The following PTPRD variants were observed in gnomAD, a reference collection of about 807,000 sequenced individuals.
PTPRD encodes the protein receptor-type tyrosine-protein phosphatase delta.
Under a neutral mutation model 214.5 loss-of-function variants are expected in PTPRD, and 34 were observed. The observed-to-expected ratio is 0.16, with a 90% CI of 0.12 to 0.21. PTPRD has a LOEUF of 0.21. Among genes scored for constraint, PTPRD ranks in the 10% least tolerant of loss-of-function variants. The probability of loss-of-function intolerance (pLI) is 1.00; values close to 1 mark genes in which losing one functional copy is unlikely to be tolerated. For missense variants in PTPRD, 2,545 were observed against 2,398.7 expected (o/e 1.06, Z -1.27); for synonymous variants, 1,128 against 845.7 (o/e 1.33, Z -5.79).
At chr9:9,844,678 T>A (rs1028205392) in intron 5 of PTPRD, among the ~76,000 whole-genome samples, 1 of 151,934 alleles carries the variant, frequency 6.6e-6, no homozygotes, top group Non-Finnish European at 1.5e-5. Flanking sequence ...TATTTATTAT[T>A]TATCTTTTAG....
intron 3 of PTPRD, among the ~76,000 whole-genome samples, chr9:10,293,197 T>C (rs1428300521): frequency 6.6e-6 from 1 of 151,868 alleles, no homozygotes; most frequent in African/African-American, 2.4e-5. Context: ...CACATCAAAA[T>C]TAAGTACACA....
intron 9 of PTPRD, among the ~76,000 whole-genome samples, chr9:9,369,929 G>A (rs984770785): frequency 8.6e-5 from 13 of 151,970 alleles, no homozygotes; most frequent in Admixed American, 2.0e-4. Flanking sequence ...GTAGATACGC[G>A]GCATTATTTC....
At chr9:9,826,475 G>C (rs2821509) in intron 5 of PTPRD, among the ~76,000 whole-genome samples, 26,875 of 151,742 alleles carry the variant, frequency 0.18, 2,812 homozygotes, top group African/African-American at 0.29. Context: ...TGGTTATTTT[G>C]AGTATGAAAT....
chr9:8,928,258 T>C (rs2098918047), intron 11 of PTPRD, among the ~76,000 whole-genome samples: 1 of 152,206 alleles, frequency 6.6e-6, no homozygotes, highest in Non-Finnish European at 1.5e-5. Flanking sequence ...TTTGATATTT[T>C]AGTCATGAAG....
intron 9 of PTPRD, among the ~76,000 whole-genome samples, chr9:9,241,186 C>A (rs2099970186): frequency 6.6e-6 from 1 of 152,060 alleles, no homozygotes; most frequent in Non-Finnish European, 1.5e-5. Context: ...TAAATGTTAA[C>A]TTTTCTGGAT....
Position 8,314,713 on chromosome 9 carries a change from G to A in PTPRD, c.*3161C>T, listed in dbSNP as rs944078847. ...AATAAACAGGAAAGAAAAAAAATAC[G>A]TGCATTACTGCAGACTTTTTTCCCT... On this transcript the variant is annotated 3_prime_UTR_variant, in exon 46 of 46. Coordinates refer to ENST00000381196, the MANE Select transcript of PTPRD (RefSeq NM_002839.4). 8.6e-6 allele frequency: 2 copies of A among 231,944 alleles called. No individual in the cohort carries two copies. The highest frequency in any genetic ancestry group is 1.7e-5 in the Non-Finnish European group (2 of 117,232). 14.4% of individuals were successfully genotyped at this position (231,944 alleles called of 1,614,324 possible).
chr9:8,940,274 T>TCC (rs2099023410), intron 11 of PTPRD, among the ~76,000 whole-genome samples: 1 of 63,512 alleles, frequency 1.6e-5, no homozygotes, highest in Non-Finnish European at 3.2e-5. Flanking sequence ...TCTCTCTCTC[T>TCC]CTCTCCTTTT....
intron 32 of PTPRD, 93 bp from the exon 33 acceptor site, chr9:8,460,664 G>A (rs1591133595): frequency 7.1e-6 from 9 of 1,265,406 alleles, no homozygotes; most frequent in South Asian, 3.0e-5. Context: ...CCAGGAAATA[G>A]TGGATTTAAT....
At chr9:8,346,745 A>C (rs546241808) in intron 39 of PTPRD, among the ~76,000 whole-genome samples, 1 of 152,144 alleles carries the variant, frequency 6.6e-6, no homozygotes, top group African/African-American at 2.4e-5. Context: ...ATATGCCAAA[A>C]AGCAGCTGCA....
intron 3 of PTPRD, among the ~76,000 whole-genome samples, chr9:10,091,321 T>C (rs148705125): frequency 9.8e-4 from 148 of 151,620 alleles, no homozygotes; most frequent in African/African-American, 3.5e-3. Context: ...TGAAAATGTA[T>C]CATTGAGAAG....
At chr9:10,278,767 T>TTTTTGTTTTG (rs561969404) in intron 3 of PTPRD, among the ~76,000 whole-genome samples, 1 of 151,646 alleles carries the variant, frequency 6.6e-6, no homozygotes, top group African/African-American at 2.4e-5. Flanking sequence ...AAAGGTTTTT[T>TTTTTGTTTTG]TTTTGTTTTG....
chr9:9,973,114 TTC>T (rs112572009), intron 4 of PTPRD, among the ~76,000 whole-genome samples: 3 of 150,522 alleles, frequency 2.0e-5, no homozygotes, highest in Non-Finnish European at 3.0e-5. Flanking sequence ...GAATAGTCAT[TTC>T]TCTCTCTCTC....
intron 11 of PTPRD, among the ~76,000 whole-genome samples, chr9:8,787,416 C>G (rs1294406331): frequency 6.6e-6 from 1 of 152,118 alleles, no homozygotes; most frequent in Non-Finnish European, 1.5e-5. Context: ...CAATTTGTTC[C>G]CTGCCCTTTA....
At chr9:8,814,565 C>T (rs1014072989) in intron 11 of PTPRD, among the ~76,000 whole-genome samples, 5 of 152,054 alleles carry the variant, frequency 3.3e-5, no homozygotes, top group Admixed American at 2.0e-4. Flanking sequence ...CTAGGTGACA[C>T]GAGCAAGTCA....
chr9:10,285,977 A>G (rs888550242), intron 3 of PTPRD, among the ~76,000 whole-genome samples: 4 of 152,130 alleles, frequency 2.6e-5, no homozygotes, highest in Admixed American at 2.6e-4. Context: ...TATGTAGAAG[A>G]TTAACTTTTT....
At chr9:9,998,129 A>AAAATATATATATATATATATATATAT (rs57991748) in intron 4 of PTPRD, among the ~76,000 whole-genome samples, 2 of 91,496 alleles carry the variant, frequency 2.2e-5, no homozygotes, top group Admixed American at 1.2e-4. Flanking sequence ...AAAAAAAAAA[A>AAAATATATATATATATATATATATAT]ATATATATAT....
At chr9:10,521,840 T>G (rs575168930) in intron 2 of PTPRD, among the ~76,000 whole-genome samples, 1 of 152,260 alleles carries the variant, frequency 6.6e-6, no homozygotes, top group African/African-American at 2.4e-5. Flanking sequence ...TATTGCACAA[T>G]TAATAGGCTA....
chr9:9,494,496 C>A (rs2096077329), intron 8 of PTPRD, among the ~76,000 whole-genome samples: 1 of 152,144 alleles, frequency 6.6e-6, no homozygotes, highest in Non-Finnish European at 1.5e-5. Context: ...AAGATCAAGG[C>A]AAGAGCCTCC....
intron 7 of PTPRD, among the ~76,000 whole-genome samples, chr9:9,687,308 C>A (rs2097182836): frequency 6.6e-6 from 1 of 151,770 alleles, no homozygotes; most frequent in African/African-American, 2.4e-5. Context: ...ATAAACCTTA[C>A]ACAGGTGGGA....
Sources: gnomAD v4.1 joint callset for allele counts (sites outside exome capture counted in the v4.1 genomes callset) on GRCh38, gnomAD v4.1.1 for gene constraint, MANE v1.5 for transcripts, NCBI Gene and HGNC (gene_info 2026-07-23, HGNC 2026-07-21) for gene names.